GALNT18: variants seen among roughly 807,000 people sequenced by gnomAD.
GALNT18 encodes the protein GalNAc-transferase 18.
A neutral mutation model predicts 69.5 loss-of-function variants in GALNT18; 44 were observed. That is an observed-to-expected ratio of 0.63 (90% CI 0.50 to 0.81). The LOEUF (loss-of-function observed/expected upper bound fraction) is 0.81. Among genes scored for constraint, GALNT18 ranks in the 40% least tolerant of loss-of-function variants. The probability of loss-of-function intolerance (pLI) is 0.00; values close to 1 mark genes in which losing one functional copy is unlikely to be tolerated. For missense variants in GALNT18, 715 were observed against 810.0 expected, an observed-to-expected ratio of 0.88 and a Z score of 1.42; for synonymous variants, 364 against 318.2, an observed-to-expected ratio of 1.14 and a Z score of -1.53.
chr11:11,610,928 T>C (rs1278707113), intron 1 of GALNT18, among the ~76,000 whole-genome samples: 1 of 152,182 alleles, frequency 6.6e-6, no homozygotes, highest in East Asian at 1.9e-4. Flanking sequence ...TTGAAATCCT[T>C]TGAGGCATGA....
In GALNT18 at chr11:11,584,958, C is replaced by T. The variant is rs1331630087; in HGVS notation, c.235+36401G>A. ...TTTATAATTATGGAAAACTTGCCTC[C>T]ACCACTATGAGCTTGACGGCTTCCC... On this transcript the variant is annotated intron_variant, in intron 1 of 10. Transcript: ENST00000227756. This position sits in a 1 kb window ranked among gnomAD's most constrained non-coding sequence, Gnocchi z 4.1. Among the ~76,000 whole-genome samples, 1 of 152,148 alleles carries T rather than the reference C, an allele frequency of 6.6e-6. No homozygotes were observed. Among genetic ancestry groups the T allele is most frequent in the Non-Finnish European group, 1.5e-5 (1 of 68,028 alleles).
rs1428654886 is a variant in GALNT18 at position 11,465,319 on chromosome 11, G to A, written c.236-16383C>T. Among the ~76,000 whole-genome samples, 9 of 152,086 alleles carry A rather than the reference G, an allele frequency of 5.9e-5. No individual in the cohort carries two copies. Among genetic ancestry groups the A allele is most frequent in the Non-Finnish European group, 1.2e-4 (8 of 68,030 alleles). ...TGAGACTGGGGAGTTGGGTGGGCAG[G>A]GTCATCCATCACACTGTGTAGCCCA... On this transcript the variant is annotated intron_variant, in intron 1 of 10. Transcript: ENST00000227756. The surrounding 1 kb of genome is among the most constrained non-coding windows in gnomAD (Gnocchi z 5.7).
chr11:11,497,531 A>G lies in GALNT18; in HGVS notation c.236-48595T>C, dbSNP rs1292523601. Among the ~76,000 whole-genome samples, 1 of 152,164 alleles carries G rather than the reference A, an allele frequency of 6.6e-6. No homozygotes were observed. The stretch of plus-strand genomic sequence containing the variant: ...TGATTAATAAATTTGTGCTGAATGA[A>G]AGAATACTCCAAAAGGTTCTCGTAT... On this transcript the variant is annotated intron_variant, in intron 1 of 10. Transcript: ENST00000227756. This position sits in a 1 kb window ranked among gnomAD's most constrained non-coding sequence, Gnocchi z 4.2.
chr11:11,293,533 CTT>C (rs34166465), intron 9 of GALNT18, among the ~76,000 whole-genome samples: 1 of 80,212 alleles, frequency 1.2e-5, no homozygotes, highest in Non-Finnish European at 2.3e-5. Flanking sequence ...ACAAACCCCT[CTT>C]TTTTTTTTTT....
intron 1 of GALNT18, among the ~76,000 whole-genome samples, chr11:11,578,256 C>T (rs77956871): frequency 0.038 from 5,633 of 148,924 alleles, 186 homozygotes; most frequent in African/African-American, 0.089. Context: ...GGATCTGGGG[C>T]TGACGCTCCT....
intron 1 of GALNT18, among the ~76,000 whole-genome samples, chr11:11,544,905 G>A (rs4498987): frequency 0.25 from 37,991 of 152,152 alleles, 5,428 homozygotes; most frequent in Non-Finnish European, 0.31. Flanking sequence ...TAGACCACAC[G>A]ACTTGTAAGG....
At chr11:11,549,340 A>G (rs1274850129) in intron 1 of GALNT18, among the ~76,000 whole-genome samples, 1 of 152,224 alleles carries the variant, frequency 6.6e-6, no homozygotes. Flanking sequence ...TTAAGCCACC[A>G]TTATACTGTC....
chr11:11,297,970 C>T (rs1176036247), intron 9 of GALNT18, among the ~76,000 whole-genome samples: 1 of 152,230 alleles, frequency 6.6e-6, no homozygotes, highest in Non-Finnish European at 1.5e-5. Flanking sequence ...TTCCTCTCCT[C>T]CAGGCCAGGG....
intron 1 of GALNT18, among the ~76,000 whole-genome samples, chr11:11,597,871 A>C (rs1859539537): frequency 6.6e-6 from 1 of 152,106 alleles, no homozygotes; most frequent in South Asian, 2.1e-4. Context: ...CGTGTTAGCC[A>C]GGATGGTCTC....
At position 11,372,644 on chromosome 11, in the gene GALNT18, G is replaced by A; in HGVS notation, c.978-15C>T. ...GGGCAGGGCTCCTGCAGGGGCAGGG[G>A]AGAGCAGAAGGGCTGTCTGGTGCAG... On this transcript the variant is annotated splice_polypyrimidine_tract_variant and intron_variant, in intron 5 of 10. Transcript: ENST00000227756. This position sits in a 1 kb window ranked among gnomAD's most constrained non-coding sequence, Gnocchi z 4.9. The A allele has an allele frequency of 6.2e-7, 1 of 1,602,500 alleles. No individual in the cohort carries two copies. Among genetic ancestry groups the A allele is most frequent in the Non-Finnish European group, 8.5e-7 (1 of 1,170,006 alleles).
At chr11:11,529,045 C>T (rs192938820) in intron 1 of GALNT18, among the ~76,000 whole-genome samples, 3 of 152,300 alleles carry the variant, frequency 2.0e-5, no homozygotes, top group East Asian at 1.9e-4. Flanking sequence ...ACTAAAGGGT[C>T]CATCAAAGAG....
intron 1 of GALNT18, among the ~76,000 whole-genome samples, chr11:11,455,963 T>C (rs60226396): frequency 0.03 from 4,602 of 152,112 alleles, 222 homozygotes; most frequent in African/African-American, 0.11. Context: ...GTGGTGTACA[T>C]CTGTAGCCCC....
In GALNT18 at chr11:11,409,984, A is replaced by G. The variant is rs531318428; in HGVS notation, c.595+22637T>C. 1.1e-4 allele frequency among the ~76,000 whole-genome samples: 16 copies of G among 152,302 alleles called. No individual in the cohort carries two copies. In the South Asian group the frequency reaches 3.1e-3, roughly 30 times the overall value. On this transcript the variant is annotated intron_variant, in intron 3 of 10. Coordinates refer to ENST00000227756, the MANE Select transcript of GALNT18 (RefSeq NM_198516.3). ...CAAAGCTCCCTGCACTACCAGGGTT[A>G]CGCCCTGCAGCACTATCAGCCAAGA... is the stretch of plus-strand genomic sequence containing the variant.
rs1174979427 is a variant in GALNT18, at chr11:11,505,949, A to G, written c.236-57013T>C. Reference sequence around the variant, plus strand: ...CCCCTATGGCCTTCCTTATCAGTACAGGTTAGCAAGCATTTAAAGCTCAGC... The same window carrying G: ...CCCCTATGGCCTTCCTTATCAGTACGGGTTAGCAAGCATTTAAAGCTCAGC... On this transcript the variant is annotated intron_variant, in intron 1 of 10. Transcript: ENST00000227756. This position sits in a 1 kb window ranked among gnomAD's most constrained non-coding sequence, Gnocchi z 4.6. 6.6e-6 allele frequency among the ~76,000 whole-genome samples: 1 copy of G among 152,148 alleles called. No individual in the cohort carries two copies. Among genetic ancestry groups the G allele is most frequent in the Non-Finnish European group, 1.5e-5 (1 of 68,028 alleles).
At position 11,340,819 on chromosome 11, in the gene GALNT18, C is replaced by G. The variant is rs1354228781; in HGVS notation, c.1278G>C (p.Glu426Asp). The G allele has an allele frequency of 6.2e-7, 1 of 1,605,796 alleles. No homozygotes were observed. ...HVYMAWNIPQ[E>D]DSGIDIGDIT... is the part of the protein sequence containing the mutation. ...ACTCATCCCTACCGGAGATCCCTAC[C>G]TCCTGCGGTATGTTCCATGCCATGT... Residue 426 changes from glutamate (E) to aspartate (D), a missense_variant and splice_region_variant, in exon 7 of 11, where the codon GAG becomes GAC. By Grantham distance (45) the Glu-to-Asp change is conservative (BLOSUM62 2). Transcript: ENST00000227756. This position sits in a 1 kb window ranked among gnomAD's most constrained non-coding sequence, Gnocchi z 4.2.
chr11:11,468,541 GA>G (rs5789687), intron 1 of GALNT18, among the ~76,000 whole-genome samples: 3 of 149,730 alleles, frequency 2.0e-5, no homozygotes, highest in Admixed American at 6.6e-5. Context: ...GAAACAGATG[GA>G]AAAAAAAAAG....
intron 6 of GALNT18, among the ~76,000 whole-genome samples, chr11:11,355,370 C>G (rs1850508919): frequency 6.6e-6 from 1 of 152,032 alleles, no homozygotes; most frequent in Non-Finnish European, 1.5e-5. Flanking sequence ...GCTGTAACTC[C>G]CCATGTGACT....
At chr11:11,504,170 G>C (rs897662135) in intron 1 of GALNT18, among the ~76,000 whole-genome samples, 1 of 152,156 alleles carries the variant, frequency 6.6e-6, no homozygotes, top group Non-Finnish European at 1.5e-5. Context: ...CACATAGTAA[G>C]TGCTCAGTAA....
intron 2 of GALNT18, among the ~76,000 whole-genome samples, chr11:11,446,871 G>T (rs929967972): frequency 2.6e-5 from 4 of 152,148 alleles, no homozygotes; most frequent in Admixed American, 6.5e-5. Flanking sequence ...CTTCTCCTGG[G>T]ATTCACCTTG....
Sources: allele counts gnomAD v4.1 joint callset (sites outside exome capture counted in the v4.1 genomes callset), GRCh38; gene constraint gnomAD v4.1.1; non-coding constraint Gnocchi (gnomAD v3.1); transcripts MANE v1.5; gene names NCBI Gene and HGNC (gene_info 2026-07-23, HGNC 2026-07-21).